Variants in CDRT4 observed in about 807,000 individuals in gnomAD.
The protein encoded by CDRT4 is CMT1A duplicated region transcript 4 protein.
For missense variants in CDRT4, 167 were observed against 193.1 expected (o/e 0.87, Z 0.80); for synonymous variants, 64 against 69.6 (o/e 0.92, Z 0.40).
At chr17:15,457,557 T>C (rs1979542299) in intron 1 of CDRT4, among the ~76,000 whole-genome samples, 1 of 152,244 alleles carries the variant, frequency 6.6e-6, no homozygotes, top group African/African-American at 2.4e-5. Flanking sequence ...GCCGTAAACC[T>C]GTTTCTGTCC....
chr17:15,460,020 C>T (rs73978244), intron 1 of CDRT4, among the ~76,000 whole-genome samples: 9,737 of 152,174 alleles, frequency 0.064, 705 homozygotes, highest in South Asian at 0.24. Context: ...ACGTCTTCAT[C>T]TGCAAACTCA....
chr17:15,437,394 T>A lies in CDRT4; in HGVS notation c.*379A>T. 1 of 261,726 alleles carries A rather than the reference T, an allele frequency of 3.8e-6. No individual in the cohort carries two copies. The highest frequency in any genetic ancestry group is 5.6e-5 in the South Asian group (1 of 17,778). The allele number at this position is 261,726 out of a possible 1,614,324, so 16.2% of individuals were successfully genotyped here. ...TGCTACCTCCATGGATACCTTTGTA[T>A]TCCCTTCCTGCCCTTTACTGTCACC... is the stretch of plus-strand genomic sequence containing the variant. On this transcript the variant is annotated 3_prime_UTR_variant, in exon 4 of 4. Coordinates refer to ENST00000619038, the MANE Select transcript of CDRT4 (RefSeq NM_001204477.2).
rs1280539314 is a variant in CDRT4, at chr17:15,440,329, A to C, written c.-47-44T>G. The C allele has an allele frequency of 5.6e-6, 9 of 1,598,020 alleles. No homozygotes were observed. The East Asian group carries it at 6.8e-5, about 12-fold the overall frequency. On this transcript the variant is annotated intron_variant, in intron 2 of 3. Transcript: ENST00000619038. ...GTTAGCCAGAGCCTCCTCAAACTGG[A>C]AAGCAATTAGTAGCCACCCTGGGTG...
At chr17:15,458,095 A>G (rs1979569984) in intron 1 of CDRT4, among the ~76,000 whole-genome samples, 1 of 152,120 alleles carries the variant, frequency 6.6e-6, no homozygotes, top group African/African-American at 2.4e-5. Context: ...TTCTAACCAA[A>G]AGATGTGTGT....
At chr17:15,449,834 A>G (rs1289909587) in intron 2 of CDRT4, among the ~76,000 whole-genome samples, 1 of 152,184 alleles carries the variant, frequency 6.6e-6, no homozygotes, top group Non-Finnish European at 1.5e-5. Context: ...CTTCTGGGTT[A>G]GTTTACTTAG....
In CDRT4 at chr17:15,450,726, G is replaced by A. The variant is rs1979223404; in HGVS notation, c.-48+2278C>T. On this transcript the variant is annotated intron_variant, in intron 2 of 3. Coordinates refer to ENST00000619038, the MANE Select transcript of CDRT4 (RefSeq NM_001204477.2). The surrounding 1 kb of genome is among the most constrained non-coding windows in gnomAD (Gnocchi z 4.2). ...CTGCCAATATACTACATCTTTATTT[G>A]TATATCTAATAACCTCTCAAACTTT... Among the ~76,000 whole-genome samples, 1 of 152,014 alleles carries A rather than the reference G, an allele frequency of 6.6e-6. No individual in the cohort carries two copies. The highest frequency in any genetic ancestry group is 6.6e-5 in the Admixed American group (1 of 15,264).
rs138248340 is a variant in CDRT4 at position 15,437,683 on chromosome 17, G to C, written c.*90C>G. On this transcript the variant is annotated 3_prime_UTR_variant, in exon 4 of 4. Transcript: ENST00000619038. ...TCAGATTTAAAGGACACTGTCAAGTGAGTGGTAAATGGAGCTTAACTTTTG... is the reference window on the plus strand; with the variant it reads ...TCAGATTTAAAGGACACTGTCAAGTCAGTGGTAAATGGAGCTTAACTTTTG... The C allele has an allele frequency of 3.8e-4, 501 of 1,303,772 alleles. 5 individuals carry two copies. The East Asian group carries it at 0.012, about 30-fold the overall frequency. The allele number at this position is 1,303,772 out of a possible 1,614,324, so 80.8% of individuals were successfully genotyped here.
At position 15,437,878 on chromosome 17, in the gene CDRT4, G is replaced by T. The variant is rs562020164; in HGVS notation, c.354C>A (p.Pro118=). ...CTCTGGAATCCGCATGTAAGTGTGT[G>T]GGTTCTGGGATCATGGTAGGAGCCA... ...LAMAPTMIPE[P]THLHADSRDC... The change falls in exon 4 of 4, where the codon CCC becomes CCA. Residue 118 remains proline (P), a synonymous_variant. Coordinates refer to ENST00000619038, the MANE Select transcript of CDRT4 (RefSeq NM_001204477.2). The T allele has an allele frequency of 1.9e-6, 3 of 1,614,036 alleles. No individual in the cohort carries two copies. Among genetic ancestry groups the T allele is most frequent in the Non-Finnish European group, 1.7e-6 (2 of 1,180,044 alleles).
rs539147067 is a variant in CDRT4, at chr17:15,458,792, C to G, written c.-129-5707G>C. On this transcript the variant is annotated intron_variant, in intron 1 of 3. Transcript: ENST00000619038. Reference sequence around the variant, plus strand: ...TGTGGGGGAGCCTGTATAATCCAGACAGAGGCTGTCAAGGGGTGGTTCTGG... The same window carrying G: ...TGTGGGGGAGCCTGTATAATCCAGAGAGAGGCTGTCAAGGGGTGGTTCTGG... Among the ~76,000 whole-genome samples the G allele has an allele frequency of 3.3e-5, 5 of 152,296 alleles. No individual in the cohort carries two copies. In the South Asian group the frequency reaches 1.0e-3, roughly 32 times the overall value.
At chr17:15,438,643 C>G (rs1363721626) in intron 3 of CDRT4, among the ~76,000 whole-genome samples, 1 of 152,156 alleles carries the variant, frequency 6.6e-6, no homozygotes, top group Non-Finnish European at 1.5e-5. Flanking sequence ...AGCTGTGAAC[C>G]TTGAACAAGT....
chr17:15,453,242 G>A lies in CDRT4; in HGVS notation c.-129-157C>T, dbSNP rs189157293. On this transcript the variant is annotated intron_variant, in intron 1 of 3. Transcript: ENST00000619038. ...AATAGCAATTGTCCATTCCCCAGAC[G>A]TCACAAAAGAGGCCTCTTGAAATTG... is the stretch of plus-strand genomic sequence containing the variant. 2.0e-5 allele frequency among the ~76,000 whole-genome samples: 3 copies of A among 152,288 alleles called. No individual in the cohort carries two copies. The East Asian group carries it at 5.8e-4, about 29-fold the overall frequency.
chr17:15,465,848 G>A (rs1430227789), intron 1 of CDRT4, among the ~76,000 whole-genome samples: 2 of 151,610 alleles, frequency 1.3e-5, no homozygotes, highest in African/African-American at 2.4e-5. Flanking sequence ...CATGCAGCGC[G>A]CATCGTGAGG....
chr17:15,456,997 G>C (rs114048428), intron 1 of CDRT4, among the ~76,000 whole-genome samples: 4,105 of 152,224 alleles, frequency 0.027, 178 homozygotes, highest in African/African-American at 0.093. Context: ...ATGGGATTAC[G>C]CACTGCTCAG....
chr17:15,455,281 A>G (rs1979437479), intron 1 of CDRT4, among the ~76,000 whole-genome samples: 1 of 152,210 alleles, frequency 6.6e-6, no homozygotes, highest in East Asian at 1.9e-4. Context: ...CTATGCCAAC[A>G]AAGCTATCTA....
At chr17:15,440,144 C>A in intron 3 of CDRT4, 64 bp downstream of exon 3, 1 of 1,529,494 alleles carries the variant, frequency 6.5e-7, no homozygotes, top group Non-Finnish European at 8.8e-7. Context: ...CTTCCCACTG[C>A]GAATCCTCCA....
chr17:15,462,000 C>G (rs1979770331), intron 1 of CDRT4, among the ~76,000 whole-genome samples: 1 of 152,088 alleles, frequency 6.6e-6, no homozygotes, highest in African/African-American at 2.4e-5. Flanking sequence ...AAGTAAACAG[C>G]AGATTCGAGT....
intron 2 of CDRT4, chr17:15,452,522 T>TA (rs1436134235): frequency 6.6e-6 from 1 of 152,278 alleles, no homozygotes; most frequent in African/African-American, 2.4e-5. Context: ...CCTTGTCCAA[T>TA]ATGTGCTTTT....
In CDRT4 at chr17:15,444,714, C is replaced by CAGAGAGAGAGAGAGAGAGAG. The variant is rs59581257; in HGVS notation, c.-47-4449_-47-4430dup. On this transcript the variant is annotated intron_variant, in intron 2 of 3. Coordinates refer to ENST00000619038, the MANE Select transcript of CDRT4 (RefSeq NM_001204477.2). The stretch of plus-strand genomic sequence containing the variant: ...TAAAAATATAAAAATTAGCCAAGCG[C>CAGAGAGAGAGAGAGAGAGAG]AGAGAGAGAGAGAGAGAGAGAGAGA... Among the ~76,000 whole-genome samples, 314 of 135,882 alleles carry CAGAGAGAGAGAGAGAGAGAG rather than the reference C, an allele frequency of 2.3e-3. 4 individuals carry two copies. Among genetic ancestry groups the CAGAGAGAGAGAGAGAGAGAG allele is most frequent in the African/African-American group, 6.6e-3 (225 of 33,970 alleles). 89.1% of individuals were successfully genotyped at this position (135,882 alleles called of 152,430 possible).
At position 15,437,725 on chromosome 17, in the gene CDRT4, G is replaced by A. The variant is rs1434986574; in HGVS notation, c.*48C>T. 2.5e-6 allele frequency: 4 copies of A among 1,573,844 alleles called. No homozygotes were observed. Among genetic ancestry groups the A allele is most frequent in the Admixed American group, 1.7e-5 (1 of 58,814 alleles). ...TAACTTTTGTACGTTCTTGGGGAATGGCTGCAGGGACCCCTGGCTAAAACA... is the reference window on the plus strand; with the variant it reads ...TAACTTTTGTACGTTCTTGGGGAATAGCTGCAGGGACCCCTGGCTAAAACA... On this transcript the variant is annotated 3_prime_UTR_variant, in exon 4 of 4. Coordinates refer to ENST00000619038, the MANE Select transcript of CDRT4 (RefSeq NM_001204477.2).
Sources: allele counts gnomAD v4.1 joint callset (sites outside exome capture counted in the v4.1 genomes callset), GRCh38; gene constraint gnomAD v4.1.1; non-coding constraint Gnocchi (gnomAD v3.1); transcripts MANE v1.5; gene names NCBI Gene and HGNC (gene_info 2026-07-23, HGNC 2026-07-21).